Variants in COL27A1 observed in about 807,000 individuals in gnomAD.
COL27A1 encodes collagen type XXVII alpha 1 chain, also known as collagen alpha-1(XXVII) chain.
In COL27A1, 106 loss-of-function variants were observed where a neutral mutation model predicts 251.3. The observed-to-expected ratio is 0.42, with a 90% CI of 0.36 to 0.50. The LOEUF (loss-of-function observed/expected upper bound fraction) is 0.50, where lower values mean the gene tolerates loss of function less well. Ranked by LOEUF, COL27A1 falls within the 20% of genes least tolerant of loss-of-function variation. COL27A1 has a pLI of 0.00. For missense variants in COL27A1, 2,325 were observed against 2,522.8 expected, an observed-to-expected ratio of 0.92 and a Z score of 1.68; for synonymous variants, 1,000 against 986.3, an observed-to-expected ratio of 1.01 and a Z score of -0.26.
chr9:114,266,647 A>G, intron 33 of COL27A1, 29 bp downstream of exon 33: 1 of 1,599,262 alleles, frequency 6.3e-7, no homozygotes, highest in Non-Finnish European at 8.6e-7. Flanking sequence ...TATTCGTCCC[A>G]TGATGCTGCT....
Position 114,282,576 on chromosome 9 carries a change from C to G in COL27A1, c.3879+12C>G, listed in dbSNP as rs759094023. 6.7e-7 allele frequency: 1 copy of G among 1,482,036 alleles called. No homozygotes were observed. The highest frequency in any genetic ancestry group is 1.3e-5 in the South Asian group (1 of 76,716). 91.8% of individuals were successfully genotyped at this position (1,482,036 alleles called of 1,614,324 possible). On this transcript the variant is annotated intron_variant, in intron 39 of 60. Transcript: ENST00000356083. Reference sequence around the variant, plus strand: ...GCCTGGGACCAACGGTGAGGACTCTCTGGCTGGGGTGGGGGAGTCAGATGT... The same window carrying G: ...GCCTGGGACCAACGGTGAGGACTCTGTGGCTGGGGTGGGGGAGTCAGATGT...
intron 12 of COL27A1, chr9:114,218,418 T>C (rs779215145): frequency 6.5e-6 from 1 of 152,708 alleles, no homozygotes; most frequent in Non-Finnish European, 1.5e-5. Flanking sequence ...CATATGAACA[T>C]GCCAAACTCC....
chr9:114,275,274 A>T (rs576387097), intron 36 of COL27A1, among the ~76,000 whole-genome samples: 16 of 152,172 alleles, frequency 1.1e-4, no homozygotes, highest in Non-Finnish European at 1.8e-4. Context: ...AAATAAAAAA[A>T]AAAAATCTGC....
chr9:114,304,561 A>G, intron 56 of COL27A1, 47 bp from the exon 57 acceptor site: 1 of 1,590,478 alleles, frequency 6.3e-7, no homozygotes, highest in Middle Eastern at 1.7e-4. Context: ...ATGGGTGTGG[A>G]GAACCCTGGG....
rs1399997016 is a variant in COL27A1 at position 114,292,133 on chromosome 9, C to A, written c.4507C>A (p.Pro1503Thr). Residue 1503 changes from proline to threonine, a missense_variant, in exon 49 of 61, where the codon CCC becomes ACC. Transcript: ENST00000356083. ...GAGTGGGTTACCCGGACAGCTGGGT[C>A]CCCCTGGCAAGCGAGGAACAGAGGG... is the stretch of plus-strand genomic sequence containing the variant. Reference protein sequence around the residue: ...GESGLPGQLGPPGKRGTEGRT... With the variant: ...GESGLPGQLGTPGKRGTEGRT... The A allele has an allele frequency of 1.9e-6, 3 of 1,560,288 alleles. No individual in the cohort carries two copies. The highest frequency in any genetic ancestry group is 1.7e-6 in the Non-Finnish European group (2 of 1,151,878).
At chr9:114,256,494 A>C (rs1011795248) in intron 27 of COL27A1, among the ~76,000 whole-genome samples, 1 of 152,200 alleles carries the variant, frequency 6.6e-6, no homozygotes, top group Admixed American at 6.5e-5. Context: ...CTCCATCTCA[A>C]CAAAAAAAGA....
intron 3 of COL27A1, among the ~76,000 whole-genome samples, chr9:114,176,936 A>AG (rs1202418557): frequency 6.6e-6 from 1 of 152,196 alleles, no homozygotes; most frequent in Non-Finnish European, 1.5e-5. Flanking sequence ...GCCAAACCAG[A>AG]CTGGGTTTTC....
chr9:114,267,406 TG>T, intron 33 of COL27A1, 97 bp from the exon 34 acceptor site: 1 of 990,816 alleles, frequency 1.0e-6, no homozygotes, highest in Non-Finnish European at 1.5e-6. Flanking sequence ...TGTGTGACCC[TG>T]GGTGTTCTCT....
chr9:114,302,726 CA>C (rs60188308), intron 56 of COL27A1, among the ~76,000 whole-genome samples: 5,858 of 139,114 alleles, frequency 0.042, 342 homozygotes, highest in African/African-American at 0.14. Context: ...ACAAAAAAAA[CA>C]AAAAAAAAAA....
chr9:114,307,588 G>A (rs749650525), intron 58 of COL27A1, 81 bp from the exon 59 acceptor site: 5 of 975,166 alleles, frequency 5.1e-6, no homozygotes, highest in African/African-American at 1.6e-5. Flanking sequence ...CAGGTCACAA[G>A]ATGCAGGGTC....
chr9:114,165,559 A>G (rs1329188351), intron 2 of COL27A1, among the ~76,000 whole-genome samples: 1 of 147,798 alleles, frequency 6.8e-6, no homozygotes, highest in East Asian at 2.0e-4. Flanking sequence ...CCATGCATCC[A>G]TCTATTCATC....
Position 114,278,254 on chromosome 9 carries a change from G to T in COL27A1, c.3717+2486G>T, listed in dbSNP as rs76150740. 1.5e-3 allele frequency among the ~76,000 whole-genome samples: 217 copies of T among 148,240 alleles called. 6 individuals carry two copies. The East Asian group carries it at 0.036, about 25-fold the overall frequency. Reference sequence around the variant, plus strand: ...GGTGGTAGTACTGATGATGGTGTTGGTGGTGGTGATGATGATGAAGATGAT... The same window carrying T: ...GGTGGTAGTACTGATGATGGTGTTGTTGGTGGTGATGATGATGAAGATGAT... On this transcript the variant is annotated intron_variant, in intron 37 of 60. Transcript: ENST00000356083.
At position 114,189,952 on chromosome 9, in the gene COL27A1, T is replaced by TA. The variant is rs1308336781; in HGVS notation, c.2017-4451dup. Among the ~76,000 whole-genome samples the TA allele has an allele frequency of 2.0e-5, 3 of 152,210 alleles. No individual in the cohort carries two copies. In the East Asian group the frequency reaches 5.8e-4, roughly 29 times the overall value. Reference sequence around the variant, plus strand: ...TTCACATTATTTGCAGAAAAGAACATATTGTTGTCTCATTTTCCTCAAAGG... The same window carrying TA: ...TTCACATTATTTGCAGAAAAGAACATAATTGTTGTCTCATTTTCCTCAAAGG... On this transcript the variant is annotated intron_variant, in intron 5 of 60. Transcript: ENST00000356083.
chr9:114,227,659 G>A (rs1275584931), intron 14 of COL27A1, among the ~76,000 whole-genome samples: 2 of 152,048 alleles, frequency 1.3e-5, no homozygotes, highest in Non-Finnish European at 2.9e-5. Context: ...GGCACACAGT[G>A]GGCGTTCTTT....
chr9:114,280,475 T>C (rs1835835374), intron 37 of COL27A1, among the ~76,000 whole-genome samples: 1 of 152,216 alleles, frequency 6.6e-6, no homozygotes, highest in Non-Finnish European at 1.5e-5. Context: ...AGTGCTGGGA[T>C]TACAGGCATG....
In COL27A1 at chr9:114,306,320, T is replaced by C. The variant is rs140592680; in HGVS notation, c.4939-200T>C. 8.9e-6 allele frequency: 5 copies of C among 563,260 alleles called. No individual in the cohort carries two copies. The East Asian group carries it at 9.0e-5, about 10-fold the overall frequency. 34.9% of individuals were successfully genotyped at this position (563,260 alleles called of 1,614,324 possible). A position where few individuals can be genotyped will look rare whatever the true frequency, so the allele number is the denominator to read the frequency against. On this transcript the variant is annotated intron_variant, in intron 57 of 60. Coordinates refer to ENST00000356083, the MANE Select transcript of COL27A1 (RefSeq NM_032888.4). Reference sequence around the variant, plus strand: ...GAGCTCTTTTCAAGCCTCTGAGCCATTGTGATAGCCTCTCCTCCTGCACTT... The same window carrying C: ...GAGCTCTTTTCAAGCCTCTGAGCCACTGTGATAGCCTCTCCTCCTGCACTT...
In COL27A1 at chr9:114,269,234, C is replaced by T. The variant is rs2135622809; in HGVS notation, c.3502-7C>T. The T allele has an allele frequency of 6.3e-7, 1 of 1,593,302 alleles. No individual in the cohort carries two copies. On this transcript the variant is annotated splice_polypyrimidine_tract_variant and splice_region_variant and intron_variant, in intron 34 of 60. Transcript: ENST00000356083. Reference sequence around the variant, plus strand: ...ACCCGCAAGGACTTTTGTTCGGCTTCTCCTAGGGTGACCTTGGACCCCTGG... The same window carrying T: ...ACCCGCAAGGACTTTTGTTCGGCTTTTCCTAGGGTGACCTTGGACCCCTGG...
At chr9:114,208,752 A>C (rs1247038207) in intron 10 of COL27A1, among the ~76,000 whole-genome samples, 2 of 152,130 alleles carry the variant, frequency 1.3e-5, no homozygotes, top group African/African-American at 2.4e-5. Flanking sequence ...GATGCTACCG[A>C]GGTGCAAAAA....
intron 23 of COL27A1, 122 bp from the exon 24 acceptor site, chr9:114,245,744 G>A: frequency 1.1e-6 from 1 of 901,894 alleles, no homozygotes; most frequent in South Asian, 1.4e-5. Flanking sequence ...CCACACACTG[G>A]AGATAAGATC....
Sources: gnomAD v4.1 joint callset for allele counts (sites outside exome capture counted in the v4.1 genomes callset) on GRCh38, gnomAD v4.1.1 for gene constraint, MANE v1.5 for transcripts, NCBI Gene and HGNC (gene_info 2026-07-23, HGNC 2026-07-21) for gene names.